PTPRF: variants seen among roughly 807,000 people sequenced by gnomAD.
PTPRF encodes protein tyrosine phosphatase receptor type F.
Under a neutral mutation model 201.8 loss-of-function variants are expected in PTPRF, and 59 were observed. That is an observed-to-expected ratio of 0.29 (90% CI 0.24 to 0.36). The LOEUF (loss-of-function observed/expected upper bound fraction) is 0.36. PTPRF is among the 10% of genes least tolerant of loss of function. PTPRF has a pLI of 1.00. For missense variants in PTPRF, 2,132 were observed against 2,690.5 expected (o/e 0.79, Z 4.59); for synonymous variants, 1,088 against 1,089.7 (o/e 1.00, Z 0.03).
rs768264448 is a variant in PTPRF, at chr1:43,591,481, C to T, written c.1459C>T (p.Arg487Cys). ...GCTGCCTGGCATCACCTACAGCCTGCGCGTGCTTGCCTTCACCGCCGTGGG... is the reference window on the plus strand; with the variant it reads ...GCTGCCTGGCATCACCTACAGCCTGTGCGTGCTTGCCTTCACCGCCGTGGG... ...SLLPGITYSLRVLAFTAVGDG... is the reference protein window; with the variant it reads ...SLLPGITYSLCVLAFTAVGDG... The change falls in exon 9 of 34, where the codon CGC (arginine) becomes TGC (cysteine). Residue 487 changes from arginine to cysteine, a missense_variant. Physicochemically the swap from Arg to Cys is radical, Grantham distance 180. Around this residue, in one of 6 missense-constraint regions of PTPRF, gnomAD observed 351 missense variants for 401.7 expected, o/e 0.87. Coordinates refer to ENST00000359947, the MANE Select transcript of PTPRF (RefSeq NM_002840.5). 32 of 1,598,172 alleles carry T rather than the reference C, an allele frequency of 2.0e-5. No individual in the cohort carries two copies. The highest frequency in any genetic ancestry group is 1.6e-4 in the Middle Eastern group (1 of 6,064).
At position 43,579,188 on chromosome 1, in the gene PTPRF, G is replaced by A. The variant is rs1319081305; in HGVS notation, c.679+268G>A. 2.1e-5 allele frequency: 14 copies of A among 652,742 alleles called. No homozygotes were observed. The East Asian group carries it at 4.4e-4, about 20-fold the overall frequency. The allele number at this position is 652,742 out of a possible 1,614,324, so 40.4% of individuals were successfully genotyped here. On this transcript the variant is annotated intron_variant, in intron 7 of 33. Coordinates refer to ENST00000359947, the MANE Select transcript of PTPRF (RefSeq NM_002840.5). ...GTATCTTTTGTAGGTCTTGCCGCATGGGCCCGGAGCCCCATGGGAATTTGG... is the reference window on the plus strand; with the variant it reads ...GTATCTTTTGTAGGTCTTGCCGCATAGGCCCGGAGCCCCATGGGAATTTGG...
At chr1:43,615,934 G>A (rs1183882162) in intron 23 of PTPRF, among the ~76,000 whole-genome samples, 2 of 152,104 alleles carry the variant, frequency 1.3e-5, no homozygotes, top group African/African-American at 4.8e-5. Context: ...CCCGTGCTGG[G>A]GATGTGGAGA....
At chr1:43,580,351 G>T (rs1362530164) in intron 7 of PTPRF, among the ~76,000 whole-genome samples, 1 of 152,198 alleles carries the variant, frequency 6.6e-6, no homozygotes, top group African/African-American at 2.4e-5. Flanking sequence ...GGAGAGGGTG[G>T]TTCTGGAGAG....
At chr1:43,544,858 G>A (rs1644563202) in intron 2 of PTPRF, among the ~76,000 whole-genome samples, 173 bp from the exon 3 acceptor site, 1 of 151,958 alleles carries the variant, frequency 6.6e-6, no homozygotes. Context: ...AGCTTGGGTG[G>A]TCACTGGGGT....
At position 43,598,067 on chromosome 1, in the gene PTPRF, C is replaced by A; in HGVS notation, c.2119+14C>A. The A allele has an allele frequency of 6.9e-7, 1 of 1,459,538 alleles. No individual in the cohort carries two copies. The highest frequency in any genetic ancestry group is 9.1e-7 in the Non-Finnish European group (1 of 1,099,432). 90.4% of individuals were successfully genotyped at this position (1,459,538 alleles called of 1,614,324 possible). A position where few individuals can be genotyped will look rare whatever the true frequency, so the allele number is the denominator to read the frequency against. ...CCGATGAGGACGGTAGGCAGTGCCA[C>A]CGGGGCGGGAGGGGAGGCGTTCTGC... On this transcript the variant is annotated intron_variant, in intron 12 of 33. Coordinates refer to ENST00000359947, the MANE Select transcript of PTPRF (RefSeq NM_002840.5).
rs537600255 is a variant in PTPRF, at chr1:43,616,354, A to G, written c.4072-1091A>G. Among the ~76,000 whole-genome samples the G allele has an allele frequency of 8.6e-5, 13 of 151,894 alleles. No individual in the cohort carries two copies. In the South Asian group the frequency reaches 2.7e-3, roughly 32 times the overall value. ...TTATCATTATTGCTCTCCGAGGTGAAGAAGAGCCACAGAAGGCCTTTAAGC... is the reference window on the plus strand; with the variant it reads ...TTATCATTATTGCTCTCCGAGGTGAGGAAGAGCCACAGAAGGCCTTTAAGC... On this transcript the variant is annotated intron_variant, in intron 23 of 33. Transcript: ENST00000359947.
At chr1:43,614,278 T>C (rs574410238) in intron 23 of PTPRF, among the ~76,000 whole-genome samples, 1 of 152,360 alleles carries the variant, frequency 6.6e-6, no homozygotes, top group East Asian at 1.9e-4. Flanking sequence ...GCCTGCCTGC[T>C]GCCCTGTGCT....
intron 6 of PTPRF, among the ~76,000 whole-genome samples, chr1:43,572,668 C>T (rs1297197777): frequency 6.6e-6 from 1 of 152,174 alleles, no homozygotes; most frequent in Non-Finnish European, 1.5e-5. Flanking sequence ...AGCTGTTTAC[C>T]GGGACCTTTA....
At chr1:43,557,917 G>A (rs183462173) in intron 5 of PTPRF, among the ~76,000 whole-genome samples, 11 of 152,318 alleles carry the variant, frequency 7.2e-5, no homozygotes, top group East Asian at 5.8e-4. Context: ...ACAGAAAGGC[G>A]TGCCGCAGGA....
Position 43,619,819 on chromosome 1 carries a change from G to C in PTPRF, c.5072G>C (p.Gly1691Ala), listed in dbSNP as rs1658758701. The change falls in exon 29 of 34, where the codon GGC (glycine) becomes GCC (alanine). Residue 1691 changes from glycine (G) to alanine (A), a missense_variant. Around this residue, in one of 6 missense-constraint regions of PTPRF, gnomAD observed 519 missense variants for 659.5 expected, o/e 0.79. Transcript: ENST00000359947. ...CTGCAGCCCATCCGTGGTGTGGAGGGCTCTGACTACATCAATGCCAGCTTC... is the reference window on the plus strand; with the variant it reads ...CTGCAGCCCATCCGTGGTGTGGAGGCCTCTGACTACATCAATGCCAGCTTC... ...VCLQPIRGVE[G>A]SDYINASFLD... 1 of 1,614,090 alleles carries C rather than the reference G, an allele frequency of 6.2e-7. No individual in the cohort carries two copies. Among genetic ancestry groups the C allele is most frequent in the South Asian group, 1.1e-5 (1 of 91,094 alleles).
intron 5 of PTPRF, among the ~76,000 whole-genome samples, chr1:43,561,274 G>GGTACATGT (rs1269411904): frequency 2.0e-5 from 3 of 152,140 alleles, no homozygotes; most frequent in African/African-American, 4.8e-5. Flanking sequence ...TTGCAAGATG[G>GGTACATGT]GTACATGTGT....
At chr1:43,556,555 G>A (rs964125693) in intron 5 of PTPRF, among the ~76,000 whole-genome samples, 1 of 152,142 alleles carries the variant, frequency 6.6e-6, no homozygotes. Flanking sequence ...GTCCAGTGTC[G>A]GTTACTGTTT....
intron 3 of PTPRF, among the ~76,000 whole-genome samples, chr1:43,552,051 C>G (rs575286093): frequency 3.9e-5 from 6 of 152,208 alleles, no homozygotes; most frequent in African/African-American, 1.4e-4. Flanking sequence ...AACACCTTTT[C>G]CCTCTCTGCT....
chr1:43,547,329 C>T (rs11585461), intron 3 of PTPRF, among the ~76,000 whole-genome samples: 30 of 152,358 alleles, frequency 2.0e-4, no homozygotes, highest in African/African-American at 6.3e-4. Context: ...CAGGTCTTGA[C>T]GGTAGAAAGC....
chr1:43,553,353 A>G lies in PTPRF; in HGVS notation c.92-139A>G, dbSNP rs956915341. On this transcript the variant is annotated intron_variant, in intron 3 of 33. Coordinates refer to ENST00000359947, the MANE Select transcript of PTPRF (RefSeq NM_002840.5). This position sits in a 1 kb window ranked among gnomAD's most constrained non-coding sequence, Gnocchi z 4.1. Reference sequence around the variant, plus strand: ...AAACTCTCTGAACAGTGCCTGGCACATACTAAGCGCTACATAAAGGTGAGG... The same window carrying G: ...AAACTCTCTGAACAGTGCCTGGCACGTACTAAGCGCTACATAAAGGTGAGG... 1.8e-5 allele frequency: 17 copies of G among 950,072 alleles called. No homozygotes were observed. In the African/African-American group the frequency reaches 2.8e-4, roughly 16 times the overall value. The allele number at this position is 950,072 out of a possible 1,614,324, so 58.9% of individuals were successfully genotyped here. A position where few individuals can be genotyped will look rare whatever the true frequency, so the allele number is the denominator to read the frequency against.
intron 23 of PTPRF, among the ~76,000 whole-genome samples, chr1:43,617,211 C>T (rs1658083472): frequency 6.6e-6 from 1 of 152,100 alleles, no homozygotes; most frequent in Non-Finnish European, 1.5e-5. Flanking sequence ...ACCACTCTAC[C>T]AGGCAAGGGG....
upstream of PTPRF, among the ~76,000 whole-genome samples, chr1:43,524,193 A>G (rs567702222): frequency 2.0e-5 from 3 of 152,324 alleles, no homozygotes; most frequent in Admixed American, 2.0e-4. Context: ...AGGTTGGTAT[A>G]ATGGACTTTA....
At chr1:43,584,294 C>G (rs1054136854) in intron 7 of PTPRF, among the ~76,000 whole-genome samples, 1 of 152,152 alleles carries the variant, frequency 6.6e-6, no homozygotes, top group Non-Finnish European at 1.5e-5. Context: ...CTGCCACATC[C>G]TCCGTGGCTT....
At chr1:43,535,257 T>TGGGC (rs1643933239) in intron 1 of PTPRF, among the ~76,000 whole-genome samples, 1 of 152,204 alleles carries the variant, frequency 6.6e-6, no homozygotes, top group Admixed American at 6.5e-5. Context: ...TTCAGGTGGG[T>TGGGC]GGGCTTGAGA....
Sources: allele counts gnomAD v4.1 joint callset (sites outside exome capture counted in the v4.1 genomes callset), GRCh38; gene constraint gnomAD v4.1.1; regional missense constraint gnomAD v4.1.1; non-coding constraint Gnocchi (gnomAD v3.1); transcripts MANE v1.5; gene names NCBI Gene and HGNC (gene_info 2026-07-23, HGNC 2026-07-21).